The following ZNF180 variants were observed in gnomAD, a reference collection of about 807,000 sequenced individuals.
ZNF180 encodes the protein zinc finger protein 180 (HHZ168).
ZNF180 carries 11 observed loss-of-function variants against 11.8 expected under a neutral mutation model. That is an observed-to-expected ratio of 0.93 (90% confidence interval 0.59 to 1.55). ZNF180 has a LOEUF of 1.55. Ranked by LOEUF, ZNF180 falls within the 40% of genes most tolerant of loss-of-function variation. The probability of loss-of-function intolerance (pLI) is 0.00; values close to 1 mark genes in which losing one functional copy is unlikely to be tolerated. For synonymous variants in ZNF180, 287 were observed against 257.7 expected, an observed-to-expected ratio of 1.11 and a Z score of -1.09; for missense variants, 773 against 781.7, an observed-to-expected ratio of 0.99 and a Z score of 0.13.
At chr19:44,488,331 A>G (rs1260244177) in intron 2 of ZNF180, among the ~76,000 whole-genome samples, 4 of 148,924 alleles carry the variant, frequency 2.7e-5, no homozygotes, top group African/African-American at 5.0e-5. Flanking sequence ...GCTGGACTGT[A>G]CTGCTGCCAT....
intron 2 of ZNF180, among the ~76,000 whole-genome samples, chr19:44,488,508 C>T (rs558977783): frequency 1.3e-5 from 2 of 152,288 alleles, no homozygotes; most frequent in African/African-American, 2.4e-5. Flanking sequence ...CTGAGTGATC[C>T]GCCAGCCTCG....
Position 44,476,122 on chromosome 19 carries a change from G to T in ZNF180, c.*280C>A. ...GATTTTCTCTGATTCAGGTCTGAGTGCTTTCTGCAAGGAAAAGTGCCAGTA... is the reference window on the plus strand; with the variant it reads ...GATTTTCTCTGATTCAGGTCTGAGTTCTTTCTGCAAGGAAAAGTGCCAGTA... On this transcript the variant is annotated 3_prime_UTR_variant, in exon 5 of 5. Coordinates refer to ENST00000592529, the MANE Select transcript of ZNF180 (RefSeq NM_001278509.3). The T allele has an allele frequency of 3.4e-6, 1 of 291,468 alleles. No individual in the cohort carries two copies. Among genetic ancestry groups the T allele is most frequent in the South Asian group, 7.6e-5 (1 of 13,114 alleles). The allele number at this position is 291,468 out of a possible 1,614,324, so 18.1% of individuals were successfully genotyped here. A position where few individuals can be genotyped will look rare whatever the true frequency, so the allele number is the denominator to read the frequency against.
At chr19:44,488,065 G>A (rs8104032) in intron 2 of ZNF180, among the ~76,000 whole-genome samples, 13,697 of 107,018 alleles carry the variant, frequency 0.13, 1,073 homozygotes, top group East Asian at 0.48. Flanking sequence ...CCTCGCCCTT[G>A]CCCTCTCCCT....
chr19:44,478,125 T>C lies in ZNF180; in HGVS notation c.275A>G (p.Lys92Arg). ...VSWDLATAVG[K>R]KDSTSKQRIF... is the part of the protein sequence containing the mutation. ...CCTCTGCTTTGAAGTTGAATCTTTT[T>C]TTCCAACTGCAGTTGCCAAGTCTGA... Residue 92 changes from lysine to arginine, a missense_variant, in exon 5 of 5, where the codon AAA becomes AGA. By Grantham distance (26) the Lys-to-Arg change is conservative. Transcript: ENST00000592529. 6.3e-7 allele frequency: 1 copy of C among 1,575,212 alleles called. No individual in the cohort carries two copies.
At chr19:44,486,668 C>T (rs1412323883) in intron 2 of ZNF180, among the ~76,000 whole-genome samples, 1 of 152,140 alleles carries the variant, frequency 6.6e-6, no homozygotes, top group African/African-American at 2.4e-5. Context: ...CTTTGGGAGG[C>T]TGAGGTGGAA....
intron 2 of ZNF180, among the ~76,000 whole-genome samples, chr19:44,492,226 A>T (rs960733603): frequency 6.6e-6 from 1 of 152,176 alleles, no homozygotes; most frequent in Admixed American, 6.6e-5. Context: ...AGCACTGTGT[A>T]TTTTTTATCT....
chr19:44,494,196 A>G (rs1363783660), intron 2 of ZNF180, among the ~76,000 whole-genome samples: 1 of 152,204 alleles, frequency 6.6e-6, no homozygotes, highest in Non-Finnish European at 1.5e-5. Flanking sequence ...CTTTCCCCAC[A>G]GTGCTTTGCA....
At chr19:44,497,741 T>C (rs62118147) in intron 1 of ZNF180, among the ~76,000 whole-genome samples, 117,454 of 151,912 alleles carry the variant, frequency 0.77, 46,493 homozygotes, top group East Asian at 1. Context: ...TCAGGCATAT[T>C]GAGGACCCCC....
intron 2 of ZNF180, among the ~76,000 whole-genome samples, chr19:44,489,119 C>T (rs569628051): frequency 3.5e-5 from 5 of 142,438 alleles, no homozygotes; most frequent in Admixed American, 6.9e-5. Context: ...GCCAGCCTCC[C>T]GCCCGGCCAG....
chr19:44,495,767 A>T lies in ZNF180; in HGVS notation c.51+1517T>A, dbSNP rs1970563959. Among the ~76,000 whole-genome samples, 1 of 151,878 alleles carries T rather than the reference A, an allele frequency of 6.6e-6. No homozygotes were observed. Among genetic ancestry groups the T allele is most frequent in the East Asian group, 2.0e-4 (1 of 5,088 alleles). On this transcript the variant is annotated intron_variant, in intron 2 of 4. Coordinates refer to ENST00000592529, the MANE Select transcript of ZNF180 (RefSeq NM_001278509.3). This position sits in a 1 kb window ranked among gnomAD's most constrained non-coding sequence, Gnocchi z 4.5. ...CGTGCACAAGCGACTTCTTCATTCC[A>T]CTTGGGCTCTGACTATGCTGGGATG...
chr19:44,496,612 G>C (rs1368314909), intron 2 of ZNF180: 1 of 144,780 alleles, frequency 6.9e-6, no homozygotes, highest in African/African-American at 2.6e-5. Context: ...GTTTGAGGCG[G>C]CAGTGAGCTA....
chr19:44,489,365 T>C lies in ZNF180; in HGVS notation c.52-4930A>G, dbSNP rs1362785495. On this transcript the variant is annotated intron_variant, in intron 2 of 4. Coordinates refer to ENST00000592529, the MANE Select transcript of ZNF180 (RefSeq NM_001278509.3). Reference sequence around the variant, plus strand: ...GTGTCTGTGTAGAAAGAAGTAGACATGGGAGACTTTTCATTTTGTTCTGTA... The same window carrying C: ...GTGTCTGTGTAGAAAGAAGTAGACACGGGAGACTTTTCATTTTGTTCTGTA... Among the ~76,000 whole-genome samples, 5 of 143,818 alleles carry C rather than the reference T, an allele frequency of 3.5e-5. No individual in the cohort carries two copies. In the Admixed American group the frequency reaches 3.6e-4, roughly 10 times the overall value. 94.4% of individuals were successfully genotyped at this position (143,818 alleles called of 152,430 possible).
intron 4 of ZNF180, among the ~76,000 whole-genome samples, chr19:44,478,459 A>G (rs552386908): frequency 6.6e-6 from 1 of 152,354 alleles, no homozygotes; most frequent in Admixed American, 6.5e-5. Context: ...ACAGAATTGC[A>G]ACCCAATTTT....
Position 44,495,336 on chromosome 19 carries a change from G to T in ZNF180, c.51+1948C>A, listed in dbSNP as rs914556045. Among the ~76,000 whole-genome samples the T allele has an allele frequency of 6.6e-6, 1 of 151,854 alleles. No homozygotes were observed. The highest frequency in any genetic ancestry group is 6.6e-5 in the Admixed American group (1 of 15,244). On this transcript the variant is annotated intron_variant, in intron 2 of 4. Transcript: ENST00000592529. The surrounding 1 kb of genome is among the most constrained non-coding windows in gnomAD (Gnocchi z 4.5). ...CACCCTGCTTAGGCTTTGACTCCCCGGGCTAGGCTGCCCCATCTCTCAGAC... is the reference window on the plus strand; with the variant it reads ...CACCCTGCTTAGGCTTTGACTCCCCTGGCTAGGCTGCCCCATCTCTCAGAC...
Position 44,500,140 on chromosome 19 carries a change from G to A in ZNF180, c.-44+135C>T, listed in dbSNP as rs369733745. The A allele has an allele frequency of 4.4e-4, 710 of 1,612,330 alleles. 2 individuals are homozygous for A. In the African/African-American group the frequency reaches 7.9e-3, roughly 18 times the overall value. On this transcript the variant is annotated intron_variant, in intron 1 of 4. Transcript: ENST00000592529. Reference sequence around the variant, plus strand: ...CTGTATCAGTAACTCCATCAACCCCGGTGACCCGAGGCTAAAGCGCCACCC... The same window carrying A: ...CTGTATCAGTAACTCCATCAACCCCAGTGACCCGAGGCTAAAGCGCCACCC...
chr19:44,496,772 G>A, intron 2 of ZNF180: 1 of 151,564 alleles, frequency 6.6e-6, no homozygotes, highest in Non-Finnish European at 1.5e-5. Flanking sequence ...TTAACTGATT[G>A]CTATATTTAT....
In ZNF180 at chr19:44,478,100, CCT is replaced by C. The variant is rs1969981367; in HGVS notation, c.298_299del (p.Arg100AspfsTer3). On this transcript the variant is annotated frameshift_variant, in exon 5 of 5. Coordinates refer to ENST00000592529, the MANE Select transcript of ZNF180 (RefSeq NM_001278509.3). LOFTEE classifies it low-confidence loss of function (END_TRUNC). ...CATTAGCTGGTTCTTCATCAAAAATCCTCTGCTTTGAAGTTGAATCTTTTTTT... is the reference window on the plus strand; with the variant it reads ...CATTAGCTGGTTCTTCATCAAAAATCCTGCTTTGAAGTTGAATCTTTTTTT... ...VGKKDSTSKQ[R>X]IFDEEPANGV... The C allele has an allele frequency of 2.5e-6, 4 of 1,597,260 alleles. No homozygotes were observed. The highest frequency in any genetic ancestry group is 3.4e-6 in the Non-Finnish European group (4 of 1,169,744).
intron 3 of ZNF180, among the ~76,000 whole-genome samples, chr19:44,483,995 CTTTTTT>C (rs66671115): frequency 0.53 from 72,663 of 136,904 alleles, 19,012 homozygotes; most frequent in South Asian, 0.69. Context: ...TTCTTTCTTT[CTTTTTT>C]TTTTTTTTTT....
At position 44,495,656 on chromosome 19, in the gene ZNF180, C is replaced by A. The variant is rs1162162016; in HGVS notation, c.51+1628G>T. ...TCTCTGGATGCCTTGCTCACCTGCT[C>A]TGACCCCATCACCCCACACCAGATC... On this transcript the variant is annotated intron_variant, in intron 2 of 4. Coordinates refer to ENST00000592529, the MANE Select transcript of ZNF180 (RefSeq NM_001278509.3). The surrounding 1 kb of genome is among the most constrained non-coding windows in gnomAD (Gnocchi z 4.5). 6.6e-6 allele frequency among the ~76,000 whole-genome samples: 1 copy of A among 152,188 alleles called. No homozygotes were observed. The highest frequency in any genetic ancestry group is 1.5e-5 in the Non-Finnish European group (1 of 68,028).
Sources: gnomAD v4.1 joint callset for allele counts (sites outside exome capture counted in the v4.1 genomes callset) on GRCh38, gnomAD v4.1.1 for gene constraint, Gnocchi (gnomAD v3.1) non-coding constraint, MANE v1.5 for transcripts, NCBI Gene and HGNC (gene_info 2026-07-23, HGNC 2026-07-21) for gene names.